The following FRMD4A variants were observed in gnomAD, a reference collection of about 807,000 sequenced individuals.
FRMD4A encodes the protein FERM domain containing 4A, also known as FERM domain-containing protein 4A.
Under a neutral mutation model 129.1 loss-of-function variants are expected in FRMD4A, and 29 were observed. The observed-to-expected ratio is 0.22, with a 90% confidence interval of 0.17 to 0.31. The LOEUF is 0.31. FRMD4A is among the 10% of genes least tolerant of loss of function. The pLI is 1.00. For missense variants in FRMD4A, 1,272 were observed against 1,375.8 expected, an observed-to-expected ratio of 0.92 and a Z score of 1.19; for synonymous variants, 634 against 571.6, an observed-to-expected ratio of 1.11 and a Z score of -1.56.
At chr10:13,658,317 G>T (rs922568564) in intron 21 of FRMD4A, among the ~76,000 whole-genome samples, 1 of 152,106 alleles carries the variant, frequency 6.6e-6, no homozygotes, top group African/African-American at 2.4e-5. Context: ...TGGCAAATGA[G>T]ATAATTAAAC....
chr10:13,778,932 T>G (rs11258599), intron 6 of FRMD4A, among the ~76,000 whole-genome samples: 1 of 151,934 alleles, frequency 6.6e-6, no homozygotes, highest in Non-Finnish European at 1.5e-5. Context: ...ACATTCTGCA[T>G]GTGTATCCCA....
chr10:14,228,093 C>T (rs1391205318), intron 2 of FRMD4A, among the ~76,000 whole-genome samples: 4 of 152,082 alleles, frequency 2.6e-5, no homozygotes, highest in Admixed American at 6.5e-5. Flanking sequence ...AGGATGGTCT[C>T]GATCTCTTGA....
intron 17 of FRMD4A, among the ~76,000 whole-genome samples, chr10:13,669,362 G>A (rs993671912): frequency 1.3e-5 from 2 of 152,128 alleles, no homozygotes; most frequent in African/African-American, 4.8e-5. Flanking sequence ...GGGCCACCAC[G>A]CCCGGCCACA....
chr10:14,320,154 C>A (rs946493635), intron 2 of FRMD4A, among the ~76,000 whole-genome samples: 1 of 152,184 alleles, frequency 6.6e-6, no homozygotes, highest in African/African-American at 2.4e-5. Flanking sequence ...GTCCCCAGCA[C>A]ACCCTGCCTT....
chr10:14,007,209 A>G (rs2095665231), intron 2 of FRMD4A: 3 of 152,182 alleles, frequency 2.0e-5, no homozygotes, highest in Admixed American at 1.3e-4. Context: ...ACCTTAACTG[A>G]AGACGTCTAT....
chr10:13,688,645 G>A (rs1364708222), intron 15 of FRMD4A, among the ~76,000 whole-genome samples: 2 of 152,078 alleles, frequency 1.3e-5, no homozygotes, highest in African/African-American at 4.8e-5. Flanking sequence ...CAACTATGTT[G>A]ACTTTTTTAT....
chr10:14,184,326 G>C (rs1465120880), intron 2 of FRMD4A, among the ~76,000 whole-genome samples: 1 of 80,670 alleles, frequency 1.2e-5, no homozygotes, highest in African/African-American at 4.5e-5. Context: ...GTAGAGATGG[G>C]GTTTCACCAT....
intron 12 of FRMD4A, among the ~76,000 whole-genome samples, chr10:13,712,444 A>G (rs1202964704): frequency 6.6e-6 from 1 of 151,580 alleles, no homozygotes; most frequent in Non-Finnish European, 1.5e-5. Flanking sequence ...TACCCAGGAG[A>G]CGGAGGTTGC....
chr10:13,963,261 G>T (rs1185620505), intron 2 of FRMD4A, among the ~76,000 whole-genome samples: 1 of 134,252 alleles, frequency 7.4e-6, no homozygotes, highest in African/African-American at 2.8e-5. Context: ...CTTCCTTGGT[G>T]CAAGCCTCTT....
At chr10:14,075,935 G>T (rs1257996392) in intron 2 of FRMD4A, among the ~76,000 whole-genome samples, 1 of 152,196 alleles carries the variant, frequency 6.6e-6, no homozygotes, top group African/African-American at 2.4e-5. Flanking sequence ...ATGTCTGCAT[G>T]TTGGACAGAA....
intron 2 of FRMD4A, among the ~76,000 whole-genome samples, chr10:13,969,278 T>C (rs563224179): frequency 9.2e-5 from 14 of 152,342 alleles, no homozygotes; most frequent in African/African-American, 3.1e-4. Context: ...GGGTTGGACA[T>C]ATCTGCCCCC....
intron 2 of FRMD4A, among the ~76,000 whole-genome samples, chr10:13,865,691 C>T (rs919777195): frequency 6.6e-6 from 1 of 152,008 alleles, no homozygotes; most frequent in Admixed American, 6.6e-5. Flanking sequence ...CCACCTTAGC[C>T]TCCCAAAGTG....
chr10:13,932,480 G>T (rs1286427957), intron 2 of FRMD4A, among the ~76,000 whole-genome samples: 4 of 152,152 alleles, frequency 2.6e-5, no homozygotes, highest in Non-Finnish European at 4.4e-5. Flanking sequence ...GTTCCATGAG[G>T]AGAAGGCGGG....
intron 15 of FRMD4A, among the ~76,000 whole-genome samples, chr10:13,679,830 G>C (rs530635104): frequency 6.6e-6 from 1 of 152,070 alleles, no homozygotes; most frequent in African/African-American, 2.4e-5. Flanking sequence ...CTAAGCAAAC[G>C]TGGCCACCAA....
At chr10:13,884,491 T>C (rs2094595576) in intron 2 of FRMD4A, among the ~76,000 whole-genome samples, 1 of 152,230 alleles carries the variant, frequency 6.6e-6, no homozygotes. Flanking sequence ...TCTAGAATTT[T>C]CAAGATAAAA....
chr10:13,766,200 GATATCCACAGGAAAGCTACCAAAA>G (rs1282280652), intron 6 of FRMD4A, among the ~76,000 whole-genome samples: 187 of 152,292 alleles, frequency 1.2e-3, no homozygotes, highest in Non-Finnish European at 2.5e-3. Flanking sequence ...TAACATAACT[GATATCCACAGGAAAGCTACCAAAA>G]ATATCCACAG....
At chr10:14,175,853 C>A (rs536614061) in intron 2 of FRMD4A, among the ~76,000 whole-genome samples, 1 of 152,138 alleles carries the variant, frequency 6.6e-6, no homozygotes. Context: ...TCTTTCTCTG[C>A]GTCACCTTAG....
At chr10:14,128,281 T>G (rs1839038651) in intron 2 of FRMD4A, among the ~76,000 whole-genome samples, 1 of 151,806 alleles carries the variant, frequency 6.6e-6, no homozygotes, top group Non-Finnish European at 1.5e-5. Context: ...TTTTTATTTA[T>G]TTTGTAAAGA....
Position 13,740,495 on chromosome 10 carries a change from G to T in FRMD4A, c.614+17C>A. ...CACAAACACTGTCCCCATGTGAGCT[G>T]GGAAGGGGCCACTTACTTTACGATT... On this transcript the variant is annotated intron_variant, in intron 10 of 24. Coordinates refer to ENST00000357447, the MANE Select transcript of FRMD4A (RefSeq NM_018027.5). The T allele has an allele frequency of 6.7e-7, 1 of 1,484,402 alleles. No homozygotes were observed. Among genetic ancestry groups the T allele is most frequent in the Non-Finnish European group, 9.4e-7 (1 of 1,064,858 alleles). 92.0% of individuals were successfully genotyped at this position (1,484,402 alleles called of 1,614,324 possible). A position where few individuals can be genotyped will look rare whatever the true frequency, so the allele number is the denominator to read the frequency against.
Sources: gnomAD v4.1 joint callset for allele counts (sites outside exome capture counted in the v4.1 genomes callset) on GRCh38, gnomAD v4.1.1 for gene constraint, MANE v1.5 for transcripts, NCBI Gene and HGNC (gene_info 2026-07-23, HGNC 2026-07-21) for gene names.